Variants in DNASE1 observed in about 807,000 individuals in gnomAD.
DNASE1 encodes deoxyribonuclease 1.
In DNASE1, 40 loss-of-function variants were observed where a neutral mutation model predicts 33.9. The observed-to-expected ratio is 1.18, with a 90% CI of 0.92 to 1.54. DNASE1 has a LOEUF of 1.54. Among genes scored for constraint, DNASE1 ranks in the 40% most tolerant of loss-of-function variants. The pLI is 0.00. For synonymous variants in DNASE1, 216 were observed against 160.0 expected (o/e 1.35, Z -2.64); for missense variants, 518 against 372.6 (o/e 1.39, Z -3.21).
At chr16:3,658,663 C>T, downstream of DNASE1, 2 of 895,980 alleles carry the variant, frequency 2.2e-6, no homozygotes, top group East Asian at 2.7e-5. Flanking sequence ...CAGAGCAACA[C>T]TCCATCTCAA....
At chr16:3,636,831 A>G (rs559482909) in intron 1 of DNASE1, among the ~76,000 whole-genome samples, 9 of 147,660 alleles carry the variant, frequency 6.1e-5, no homozygotes, top group Admixed American at 1.3e-4. Context: ...GGAAAAAAAG[A>G]AAAAAAAACA....
At chr16:3,657,552 G>C (rs1171595205) in intron 7 of DNASE1, among the ~76,000 whole-genome samples, 168 bp from the exon 8 acceptor site, 1 of 152,190 alleles carries the variant, frequency 6.6e-6, no homozygotes, top group Non-Finnish European at 1.5e-5. Context: ...CAGACACCTA[G>C]GCTGTCATGT....
chr16:3,613,234 C>T (rs902282752), intron 1 of DNASE1, among the ~76,000 whole-genome samples: 3 of 152,166 alleles, frequency 2.0e-5, no homozygotes, highest in Non-Finnish European at 4.4e-5. Flanking sequence ...TCATGTGATA[C>T]TTGGCTTTTT....
At chr16:3,662,327 C>T (rs1220893216), downstream of DNASE1, 1 of 696,674 alleles carries the variant, frequency 1.4e-6, no homozygotes, top group Non-Finnish European at 2.3e-6. Context: ...CGCAAAGATA[C>T]TGTGCCCGAG....
chr16:3,611,785 G>A (rs747339458), exon 1 of DNASE1: 1 of 152,112 alleles, frequency 6.6e-6, no homozygotes, highest in African/African-American at 2.4e-5. Flanking sequence ...CTTGCTTCAG[G>A]TGGAGTCTGT....
chr16:3,641,022 G>T, upstream of DNASE1: 1 of 398,460 alleles, frequency 2.5e-6, no homozygotes, highest in South Asian at 1.3e-4. Flanking sequence ...CTCTGGATTT[G>T]GGTGGATCAG....
intron 1 of DNASE1, chr16:3,612,064 G>A (rs1362688030): frequency 1.3e-5 from 2 of 152,282 alleles, no homozygotes; most frequent in Admixed American, 6.5e-5. Context: ...ACGTGAAGAG[G>A]GGATTCTGCC....
chr16:3,656,313 G>A (rs2042614806), intron 4 of DNASE1, 128 bp downstream of exon 4: 2 of 1,066,288 alleles, frequency 1.9e-6, no homozygotes, highest in Non-Finnish European at 1.4e-6. Context: ...GGTCCAGGGT[G>A]GAGTGAAAAC....
chr16:3,652,098 A>T (rs1302706508), upstream of DNASE1: 1 of 152,402 alleles, frequency 6.6e-6, no homozygotes, highest in Non-Finnish European at 1.5e-5. Context: ...CGCCATTTGT[A>T]CAAGCGAGGC....
At chr16:3,663,610 C>A in exon 10 of DNASE1, 1 of 1,609,142 alleles carries the variant, frequency 6.2e-7, no homozygotes, top group Middle Eastern at 1.7e-4. Flanking sequence ...GGCCTCCAGC[C>A]ACCACAGAAG....
chr16:3,664,610 C>G lies in DNASE1; in HGVS notation c.*6657C>G, dbSNP rs3751842. 131 of 787,776 alleles carry G rather than the reference C, an allele frequency of 1.7e-4. 3 individuals are homozygous for G. The South Asian group carries it at 2.5e-3, about 15-fold the overall frequency. The allele number at this position is 787,776 out of a possible 1,614,324, so 48.8% of individuals were successfully genotyped here. ...GACGGTAGTGGACTCGGGGGTTGTC[C>G]GAGAGCAGGCCTTGCTCTGCCCATC... On this transcript the variant is annotated 3_prime_UTR_variant, in exon 10 of 10. Transcript: ENST00000407479.
intron 1 of DNASE1, among the ~76,000 whole-genome samples, chr16:3,627,245 G>C (rs1217727042): frequency 6.7e-6 from 1 of 149,904 alleles, no homozygotes; most frequent in Non-Finnish European, 1.5e-5. Context: ...CAGTCCAGCT[G>C]TCTTTTGATT....
chr16:3,621,553 A>T (rs544951658), intron 1 of DNASE1, among the ~76,000 whole-genome samples: 1 of 152,266 alleles, frequency 6.6e-6, no homozygotes, highest in Non-Finnish European at 1.5e-5. Context: ...ATATAAATAT[A>T]TATCCCTGCT....
chr16:3,649,195 T>G (rs1428993398), intron 1 of DNASE1, among the ~76,000 whole-genome samples: 1 of 152,230 alleles, frequency 6.6e-6, no homozygotes, highest in Non-Finnish European at 1.5e-5. Context: ...ACATCAGGGC[T>G]GAGATTAGGG....
intron 5 of DNASE1, 45 bp from the exon 6 acceptor site, chr16:3,656,954 C>T (rs944315826): frequency 6.2e-7 from 1 of 1,601,210 alleles, no homozygotes; most frequent in African/African-American, 1.3e-5. Context: ...GTGACTGAAC[C>T]TGCCCCCAGG....
intron 1 of DNASE1, among the ~76,000 whole-genome samples, chr16:3,617,540 A>G (rs973409163): frequency 1.3e-5 from 2 of 152,162 alleles, no homozygotes; most frequent in African/African-American, 2.4e-5. Flanking sequence ...TGTTAATCAT[A>G]TACCTGATAA....
intron 1 of DNASE1, among the ~76,000 whole-genome samples, chr16:3,626,264 T>C (rs1242633177): frequency 1.7e-4 from 25 of 150,308 alleles, no homozygotes; most frequent in Non-Finnish European, 1.5e-5. Flanking sequence ...TGAAGAAGTG[T>C]TCAACTTATT....
At chr16:3,612,354 G>A (rs1421120248) in intron 1 of DNASE1, among the ~76,000 whole-genome samples, 1 of 151,940 alleles carries the variant, frequency 6.6e-6, no homozygotes, top group African/African-American at 2.4e-5. Context: ...GGGTTCGAGC[G>A]GTTCTTGTGC....
At chr16:3,619,174 G>T (rs1417872461) in intron 1 of DNASE1, among the ~76,000 whole-genome samples, 1 of 151,118 alleles carries the variant, frequency 6.6e-6, no homozygotes, top group Non-Finnish European at 1.5e-5. Context: ...AGCTGGGACT[G>T]CAGGCATGTA....
Sources: allele counts gnomAD v4.1 joint callset (sites outside exome capture counted in the v4.1 genomes callset), GRCh38; gene constraint gnomAD v4.1.1; transcripts MANE v1.5; gene names NCBI Gene and HGNC (gene_info 2026-07-23, HGNC 2026-07-21).